CELF4: variants seen among roughly 807,000 people sequenced by gnomAD.
CELF4 encodes CUGBP Elav-like family member 4.
CELF4 carries 18 observed loss-of-function variants against 59.9 expected under a neutral mutation model. That is an observed-to-expected ratio of 0.30 (90% CI 0.21 to 0.45). The LOEUF (loss-of-function observed/expected upper bound fraction) is 0.45, where lower values mean the gene tolerates loss of function less well. Among genes scored for constraint, CELF4 ranks in the 20% least tolerant of loss-of-function variants. The pLI is 1.00. For missense variants in CELF4, 456 were observed against 689.0 expected, an observed-to-expected ratio of 0.66 and a Z score of 3.79; for synonymous variants, 261 against 267.1, an observed-to-expected ratio of 0.98 and a Z score of 0.22.
chr18:37,247,757 T>C (rs77840434), intron 12 of CELF4, among the ~76,000 whole-genome samples: 3,188 of 151,862 alleles, frequency 0.021, 64 homozygotes, highest in East Asian at 0.1. Context: ...CATCATGCGT[T>C]GGGGAGGGGG....
intron 2 of CELF4, among the ~76,000 whole-genome samples, chr18:37,341,276 T>A (rs1263088674): frequency 1.3e-5 from 2 of 152,152 alleles, no homozygotes; most frequent in Non-Finnish European, 2.9e-5. Context: ...AGCCCTGGGA[T>A]CCCAGAGGGG....
chr18:37,549,397 G>A (rs1405389746), intron 1 of CELF4, among the ~76,000 whole-genome samples: 3 of 152,154 alleles, frequency 2.0e-5, no homozygotes, highest in African/African-American at 4.8e-5. Flanking sequence ...CTCCTTGAAC[G>A]AAAGGTTGCC....
chr18:37,554,731 G>A (rs774301721), intron 1 of CELF4, among the ~76,000 whole-genome samples: 1 of 152,134 alleles, frequency 6.6e-6, no homozygotes, highest in Admixed American at 6.5e-5. Context: ...AGACACGGGG[G>A]TTCTCTCCTT....
At chr18:37,463,766 TGCG>T (rs1253001184) in intron 2 of CELF4, among the ~76,000 whole-genome samples, 1 of 152,188 alleles carries the variant, frequency 6.6e-6, no homozygotes, top group African/African-American at 2.4e-5. Flanking sequence ...GCTCCTGGCC[TGCG>T]GCGTCCAGGC....
chr18:37,561,281 A>C (rs909330985), intron 1 of CELF4, among the ~76,000 whole-genome samples: 7 of 152,220 alleles, frequency 4.6e-5, no homozygotes, highest in African/African-American at 1.7e-4. Context: ...TGACTGGATA[A>C]CAAGAGGGAC....
At chr18:37,554,263 G>A (rs906394738) in intron 1 of CELF4, among the ~76,000 whole-genome samples, 4 of 152,156 alleles carry the variant, frequency 2.6e-5, no homozygotes, top group South Asian at 2.1e-4. Flanking sequence ...GGGAGGGAAC[G>A]GCAGTGACCC....
At chr18:37,363,833 C>A (rs2098741063) in intron 2 of CELF4, among the ~76,000 whole-genome samples, 1 of 152,182 alleles carries the variant, frequency 6.6e-6, no homozygotes, top group Admixed American at 6.5e-5. Context: ...CCTTTCTCTG[C>A]CCCACTCCAG....
chr18:37,469,274 C>T (rs1031424651), intron 2 of CELF4, among the ~76,000 whole-genome samples: 5 of 152,150 alleles, frequency 3.3e-5, no homozygotes, highest in African/African-American at 1.2e-4. Flanking sequence ...CATGGGGCTC[C>T]TCAGAGTCAT....
rs554613831 is a variant in CELF4, at chr18:37,445,072, C to T, written c.369+40453G>A. ...GTAACTTTGGTGCACTTTTTAAAGA[C>T]ATAGCCTGAGGGCAGGACCCAGGAA... On this transcript the variant is annotated intron_variant, in intron 2 of 12. Transcript: ENST00000420428. 2.0e-5 allele frequency among the ~76,000 whole-genome samples: 3 copies of T among 152,278 alleles called. No homozygotes were observed. In the East Asian group the frequency reaches 5.8e-4, roughly 29 times the overall value.
At position 37,275,248 on chromosome 18, in the gene CELF4, A is replaced by G. The variant is rs1268126829; in HGVS notation, c.449-5T>C. On this transcript the variant is annotated splice_polypyrimidine_tract_variant and splice_region_variant and intron_variant, in intron 3 of 12. Transcript: ENST00000420428. ...CCACGAAGAGTTTTCTATCTTCTAG[A>G]ACAAAATTAGGAGATGCTTACCCGG... 1.2e-6 allele frequency: 2 copies of G among 1,613,008 alleles called. No individual in the cohort carries two copies. Among genetic ancestry groups the G allele is most frequent in the Non-Finnish European group, 8.5e-7 (1 of 1,179,712 alleles).
At chr18:37,527,696 C>T (rs534816931) in intron 1 of CELF4, among the ~76,000 whole-genome samples, 1 of 152,222 alleles carries the variant, frequency 6.6e-6, no homozygotes, top group Non-Finnish European at 1.5e-5. Context: ...GCTCTGGCTG[C>T]GGGGTGGGAT....
rs563871787 is a variant in CELF4, at chr18:37,475,585, G to A, written c.369+9940C>T. On this transcript the variant is annotated intron_variant, in intron 2 of 12. Coordinates refer to ENST00000420428, the MANE Select transcript of CELF4 (RefSeq NM_020180.4). Reference sequence around the variant, plus strand: ...TGCCCTGGGAGGATTCTGGTGGGTAGGCTGGGAGGAGGCAGGTCCTTTCTA... The same window carrying A: ...TGCCCTGGGAGGATTCTGGTGGGTAAGCTGGGAGGAGGCAGGTCCTTTCTA... Among the ~76,000 whole-genome samples the A allele has an allele frequency of 2.0e-5, 3 of 152,336 alleles. No individual in the cohort carries two copies. The South Asian group carries it at 6.2e-4, about 32-fold the overall frequency.
At chr18:37,434,993 G>C (rs1278625303) in intron 2 of CELF4, among the ~76,000 whole-genome samples, 1 of 152,100 alleles carries the variant, frequency 6.6e-6, no homozygotes, top group Non-Finnish European at 1.5e-5. Flanking sequence ...GAGAAAAATG[G>C]CAAGTCCACA....
chr18:37,515,756 T>C (rs1382414510), intron 1 of CELF4, among the ~76,000 whole-genome samples: 1 of 152,046 alleles, frequency 6.6e-6, no homozygotes, highest in East Asian at 1.9e-4. Flanking sequence ...GTCCTGCTTC[T>C]TTTATTTCTC....
chr18:37,312,049 T>C (rs975852504), intron 3 of CELF4, among the ~76,000 whole-genome samples: 15 of 139,398 alleles, frequency 1.1e-4, no homozygotes, highest in Non-Finnish European at 2.2e-4. Flanking sequence ...AGGTGGAACT[T>C]GCAGTGAGCC....
chr18:37,490,757 C>T (rs1335499526), intron 1 of CELF4, among the ~76,000 whole-genome samples: 2 of 152,054 alleles, frequency 1.3e-5, no homozygotes, highest in African/African-American at 4.8e-5. Flanking sequence ...TTTGGAGGGC[C>T]CTCCCAGCTG....
At chr18:37,453,288 A>C (rs1404013157) in intron 2 of CELF4, among the ~76,000 whole-genome samples, 1 of 152,242 alleles carries the variant, frequency 6.6e-6, no homozygotes, top group Non-Finnish European at 1.5e-5. Flanking sequence ...TGGATGAATG[A>C]ATATGATAAG....
chr18:37,416,349 A>G (rs1221092000), intron 2 of CELF4, among the ~76,000 whole-genome samples: 7 of 152,176 alleles, frequency 4.6e-5, no homozygotes, highest in Admixed American at 2.0e-4. Context: ...TCCCCCTGTC[A>G]GAACCCAGCT....
intron 8 of CELF4, among the ~76,000 whole-genome samples, chr18:37,267,836 GA>G (rs2078429183): frequency 6.6e-6 from 1 of 152,130 alleles, no homozygotes; most frequent in South Asian, 2.1e-4. Flanking sequence ...AGGAGCTTGA[GA>G]CCAGCCTGGC....
Sources: gnomAD v4.1 joint callset for allele counts (sites outside exome capture counted in the v4.1 genomes callset) on GRCh38, gnomAD v4.1.1 for gene constraint, MANE v1.5 for transcripts, NCBI Gene and HGNC (gene_info 2026-07-23, HGNC 2026-07-21) for gene names.